The following SPIDR variants were observed in gnomAD, a reference collection of about 807,000 sequenced individuals.
The protein encoded by SPIDR is DNA repair-scaffolding protein.
Under a neutral mutation model 104.6 loss-of-function variants are expected in SPIDR, and 93 were observed. The observed-to-expected ratio is 0.89, with a 90% CI of 0.75 to 1.06. The LOEUF (loss-of-function observed/expected upper bound fraction) is 1.06. Among genes scored for constraint, SPIDR ranks in the 50% least tolerant of loss-of-function variants. The pLI is 0.00. For missense variants in SPIDR, 1,154 were observed against 1,111.2 expected (o/e 1.04, Z -0.55); for synonymous variants, 431 against 416.9 (o/e 1.03, Z -0.41).
intron 10 of SPIDR, among the ~76,000 whole-genome samples, chr8:47,671,592 A>ATAAATAAATAAG (rs1032253748): frequency 6.7e-6 from 1 of 150,344 alleles, no homozygotes; most frequent in Non-Finnish European, 1.5e-5. Flanking sequence ...CTCAAAATAA[A>ATAAATAAATAAG]TAAATAAATA....
In SPIDR at chr8:47,299,809, T is replaced by C. The variant is rs1474712491; in HGVS notation, c.525+5779T>C. ...CATCCCAGGGATGAAGCCCACTTGATCATGGTGGATAAGGTTTTTGATGTG... is the reference window on the plus strand; with the variant it reads ...CATCCCAGGGATGAAGCCCACTTGACCATGGTGGATAAGGTTTTTGATGTG... On this transcript the variant is annotated intron_variant, in intron 5 of 19. Coordinates refer to ENST00000297423, the MANE Select transcript of SPIDR (RefSeq NM_001080394.4). Among the ~76,000 whole-genome samples the C allele has an allele frequency of 7.5e-3, 1,143 of 152,316 alleles. 13 individuals are homozygous for C. The highest frequency in any genetic ancestry group is 0.026 in the African/African-American group (1,095 of 41,558).
At chr8:47,414,000 A>G (rs1008139989) in intron 7 of SPIDR, among the ~76,000 whole-genome samples, 2 of 152,214 alleles carry the variant, frequency 1.3e-5, no homozygotes, top group Non-Finnish European at 2.9e-5. Context: ...TATTAATACA[A>G]ATGTTTTTCT....
At position 47,733,106 on chromosome 8, in the gene SPIDR, C is replaced by T. The variant is rs190379126; in HGVS notation, c.2605-2201C>T. Among the ~76,000 whole-genome samples, 259 of 152,314 alleles carry T rather than the reference C, an allele frequency of 1.7e-3. 1 individual carries two copies. Among genetic ancestry groups the T allele is most frequent in the Middle Eastern group, 6.8e-3 (2 of 294 alleles). The stretch of plus-strand genomic sequence containing the variant: ...TCTCCCACACATAAAAGATTTATTA[C>T]TTGGACACAGTGGCTGATGCCTGTA... On this transcript the variant is annotated intron_variant, in intron 19 of 19. Coordinates refer to ENST00000297423, the MANE Select transcript of SPIDR (RefSeq NM_001080394.4).
intron 5 of SPIDR, among the ~76,000 whole-genome samples, chr8:47,360,616 C>T (rs548571309): frequency 3.3e-5 from 5 of 152,266 alleles, no homozygotes; most frequent in Admixed American, 3.3e-4. Context: ...CAGCCAGCTA[C>T]GTGTGCCTTG....
At chr8:47,362,380 T>G (rs2056193649) in intron 5 of SPIDR, among the ~76,000 whole-genome samples, 1 of 152,214 alleles carries the variant, frequency 6.6e-6, no homozygotes, top group Non-Finnish European at 1.5e-5. Context: ...CTATGCATCC[T>G]GTGGCTCGGA....
intron 11 of SPIDR, among the ~76,000 whole-genome samples, chr8:47,674,290 T>G (rs1339747482): frequency 6.6e-6 from 1 of 152,218 alleles, no homozygotes; most frequent in Non-Finnish European, 1.5e-5. Context: ...GAAAATCTAA[T>G]TTAGTGAAAA....
intron 10 of SPIDR, among the ~76,000 whole-genome samples, chr8:47,630,728 G>A (rs940263780): frequency 2.6e-5 from 4 of 152,128 alleles, no homozygotes; most frequent in Admixed American, 2.6e-4. Context: ...CTTTACAGGT[G>A]TGCATAGGTC....
chr8:47,529,423 A>T (rs974252187), intron 8 of SPIDR, among the ~76,000 whole-genome samples: 3 of 152,082 alleles, frequency 2.0e-5, no homozygotes, highest in Non-Finnish European at 2.9e-5. Context: ...CAAAAAATAA[A>T]TAAATAAAAT....
chr8:47,308,035 A>AT (rs1450528895), intron 5 of SPIDR, among the ~76,000 whole-genome samples: 1 of 151,664 alleles, frequency 6.6e-6, no homozygotes, highest in African/African-American at 2.4e-5. Context: ...TGGAAATTAG[A>AT]TTCTCCCTCT....
At chr8:47,697,552 C>T (rs920679935) in intron 11 of SPIDR, among the ~76,000 whole-genome samples, 2 of 152,186 alleles carry the variant, frequency 1.3e-5, no homozygotes, top group Admixed American at 1.3e-4. Context: ...GGGCTCCTGC[C>T]AGGCCTCCTG....
chr8:47,691,606 GT>G (rs906957558), intron 11 of SPIDR, among the ~76,000 whole-genome samples: 4 of 152,188 alleles, frequency 2.6e-5, no homozygotes, highest in Admixed American at 2.6e-4. Flanking sequence ...CATGGCCACA[GT>G]TTTATATAGT....
intron 7 of SPIDR, among the ~76,000 whole-genome samples, chr8:47,437,437 G>A (rs1184744464): frequency 4.2e-3 from 534 of 127,446 alleles, no homozygotes; most frequent in South Asian, 7.2e-3. Flanking sequence ...CATTTTTTAT[G>A]GCTGCATAGT....
At chr8:47,686,494 T>C (rs1226287611) in intron 11 of SPIDR, among the ~76,000 whole-genome samples, 1 of 152,220 alleles carries the variant, frequency 6.6e-6, no homozygotes, top group Non-Finnish European at 1.5e-5. Flanking sequence ...AAAGCTTGAG[T>C]GTCACTAGAG....
chr8:47,696,099 T>G (rs2079295319), intron 11 of SPIDR, among the ~76,000 whole-genome samples: 1 of 152,224 alleles, frequency 6.6e-6, no homozygotes, highest in African/African-American at 2.4e-5. Context: ...TATCTGCACC[T>G]TACTCATTTC....
intron 6 of SPIDR, among the ~76,000 whole-genome samples, chr8:47,401,823 G>C (rs2061938342): frequency 6.6e-6 from 1 of 152,176 alleles, no homozygotes; most frequent in Admixed American, 6.5e-5. Context: ...AGAGCACCCA[G>C]ATTCATAAAG....
intron 2 of SPIDR, among the ~76,000 whole-genome samples, chr8:47,283,310 G>A (rs2038179468): frequency 6.6e-6 from 1 of 152,238 alleles, no homozygotes; most frequent in Non-Finnish European, 1.5e-5. Context: ...TGGAGGAACA[G>A]CTGGTTGGTG....
intron 8 of SPIDR, among the ~76,000 whole-genome samples, chr8:47,544,420 G>A (rs921360596): frequency 2.0e-5 from 3 of 152,014 alleles, no homozygotes; most frequent in Non-Finnish European, 4.4e-5. Flanking sequence ...TGTTTTTGAT[G>A]TCACGTCTAA....
At chr8:47,321,626 G>A (rs1002789844) in intron 5 of SPIDR, among the ~76,000 whole-genome samples, 2 of 151,984 alleles carry the variant, frequency 1.3e-5, no homozygotes, top group South Asian at 2.1e-4. Context: ...AAAAAGAGCC[G>A]GTATTGCCAA....
intron 5 of SPIDR, among the ~76,000 whole-genome samples, chr8:47,310,907 A>G (rs1035549719): frequency 6.6e-6 from 1 of 152,246 alleles, no homozygotes; most frequent in Non-Finnish European, 1.5e-5. Context: ...TGTACTATGC[A>G]CAGTGTCCAG....
Sources: allele counts gnomAD v4.1 joint callset (sites outside exome capture counted in the v4.1 genomes callset), GRCh38; gene constraint gnomAD v4.1.1; transcripts MANE v1.5; gene names NCBI Gene and HGNC (gene_info 2026-07-23, HGNC 2026-07-21).